Variants in SYCP1 observed in about 807,000 individuals in gnomAD.
SYCP1 encodes synaptonemal complex protein 1.
SYCP1 carries 64 observed loss-of-function variants against 153.1 expected under a neutral mutation model. The ratio of observed to expected loss-of-function variants is 0.42; its 90% CI spans 0.34 to 0.51. The LOEUF is 0.51. Ranked by LOEUF, SYCP1 falls within the 20% of genes least tolerant of loss-of-function variation. The pLI, the probability that SYCP1 is intolerant of heterozygous loss-of-function variation, is 0.06. For missense variants in SYCP1, 997 were observed against 1,049.0 expected (o/e 0.95, Z 0.68); for synonymous variants, 384 against 341.8 (o/e 1.12, Z -1.36).
intron 18 of SYCP1, among the ~76,000 whole-genome samples, chr1:114,912,286 A>C (rs1453858280): frequency 6.6e-6 from 1 of 151,936 alleles, no homozygotes; most frequent in Non-Finnish European, 1.5e-5. Flanking sequence ...TTGTACTTTA[A>C]TGTAAATTTG....
At chr1:114,876,015 GA>G (rs1324338679) in intron 9 of SYCP1, 53 bp from the exon 10 acceptor site, 26 of 1,213,156 alleles carry the variant, frequency 2.1e-5, no homozygotes, top group Non-Finnish European at 2.9e-5. Context: ...TTCATAGTTT[GA>G]AGAAAGCTAT....
chr1:114,937,885 A>AGTCAG (rs1557816156), intron 23 of SYCP1, among the ~76,000 whole-genome samples: 1 of 152,208 alleles, frequency 6.6e-6, no homozygotes, highest in Non-Finnish European at 1.5e-5. Flanking sequence ...GTCATTAAAA[A>AGTCAG]GTCAGGAAAC....
rs1040350100 is a variant in SYCP1 at position 114,929,040 on chromosome 1, A to T, written c.1926+2477A>T. On this transcript the variant is annotated intron_variant, in intron 23 of 31. Coordinates refer to ENST00000369522, the MANE Select transcript of SYCP1 (RefSeq NM_003176.4). ...CATTGTGTCTCAAATGGCAGAAGGG[A>T]CAAGAGAGCTCTCTGGGATCCTTTT... 1.4e-4 allele frequency among the ~76,000 whole-genome samples: 21 copies of T among 152,272 alleles called. 1 individual carries two copies. The highest frequency in any genetic ancestry group is 1.3e-3 in the Admixed American group (20 of 15,274).
At chr1:114,898,669 T>TA (rs1009029084) in intron 16 of SYCP1, among the ~76,000 whole-genome samples, 3 of 152,148 alleles carry the variant, frequency 2.0e-5, no homozygotes, top group South Asian at 4.1e-4. Context: ...TCATTTTTGC[T>TA]AAAAAAACAA....
At chr1:114,974,531 A>G (rs188498996) in intron 27 of SYCP1, among the ~76,000 whole-genome samples, 1 of 151,794 alleles carries the variant, frequency 6.6e-6, no homozygotes, top group East Asian at 1.9e-4. Flanking sequence ...CTTGGCAACC[A>G]CCTTTGCACA....
intron 3 of SYCP1, 71 bp from the exon 4 acceptor site, chr1:114,857,161 A>G (rs1199625163): frequency 3.5e-5 from 37 of 1,064,748 alleles, no homozygotes; most frequent in Non-Finnish European, 4.7e-5. Context: ...AAAAAAAGAG[A>G]AAAAAGAAAA....
chr1:114,943,142 C>T (rs575971351), intron 23 of SYCP1, among the ~76,000 whole-genome samples: 1 of 151,990 alleles, frequency 6.6e-6, no homozygotes, highest in Non-Finnish European at 1.5e-5. Flanking sequence ...AAAGTCATAA[C>T]CTTGTTGCTG....
chr1:114,864,901 T>C (rs1238765736), intron 8 of SYCP1, among the ~76,000 whole-genome samples: 1 of 152,236 alleles, frequency 6.6e-6, no homozygotes, highest in East Asian at 1.9e-4. Flanking sequence ...TTAGGGTACA[T>C]GTGCACAATG....
chr1:114,978,824 G>T (rs189237496), intron 28 of SYCP1, among the ~76,000 whole-genome samples: 4 of 151,628 alleles, frequency 2.6e-5, no homozygotes, highest in Non-Finnish European at 5.9e-5. Context: ...TATATCTGAA[G>T]AAATTATAAT....
At chr1:114,856,945 A>AC (rs1664001473) in intron 3 of SYCP1, among the ~76,000 whole-genome samples, 6 of 141,512 alleles carry the variant, frequency 4.2e-5, no homozygotes, top group Non-Finnish European at 6.2e-5. Context: ...AAAAAAAAAA[A>AC]CCAGCAAACA....
intron 27 of SYCP1, among the ~76,000 whole-genome samples, chr1:114,967,848 C>T (rs1042238506): frequency 2.6e-5 from 4 of 151,226 alleles, no homozygotes; most frequent in African/African-American, 7.3e-5. Context: ...TTTAGTGCTT[C>T]CTTCAGGAGC....
chr1:114,994,772 C>T lies in SYCP1; in HGVS notation c.2778C>T (p.Val926=). 2 of 1,589,422 alleles carry T rather than the reference C, an allele frequency of 1.3e-6. No individual in the cohort carries two copies. Among genetic ancestry groups the T allele is most frequent in the Non-Finnish European group, 1.7e-6 (2 of 1,172,150 alleles). Residue 926 remains valine (V), a synonymous_variant, in exon 31 of 32, where the codon GTC becomes GTT. Coordinates refer to ENST00000369522, the MANE Select transcript of SYCP1 (RefSeq NM_003176.4). ...NNNPPASHLC[V]KTPKKAPSSL... ...ATCCACCAGCTTCTCATCTTTGTGT[C>T]AAAACACCAAAAAAGGTAGCTTTTA...
chr1:114,857,157 A>AAAAAAAAAAAAAAG (rs1664040863), intron 3 of SYCP1, 75 bp from the exon 4 acceptor site: 3 of 881,502 alleles, frequency 3.4e-6, no homozygotes, highest in Non-Finnish European at 4.8e-6. Context: ...AAAAAAAAAA[A>AAAAAAAAAAAAAAG]GAGAAAAAAG....
chr1:114,886,010 A>G (rs928577853), intron 13 of SYCP1, 115 bp from the exon 14 acceptor site: 4 of 635,152 alleles, frequency 6.3e-6, no homozygotes, highest in Non-Finnish European at 1.0e-5. Flanking sequence ...AGGAGGAATA[A>G]TAGGAAAATA....
At chr1:114,943,309 C>T (rs995266642) in intron 23 of SYCP1, among the ~76,000 whole-genome samples, 1 of 151,934 alleles carries the variant, frequency 6.6e-6, no homozygotes, top group Non-Finnish European at 1.5e-5. Context: ...ATTCATAGCA[C>T]TATTGTGTGT....
At chr1:114,964,042 C>T (rs1389432733) in intron 27 of SYCP1, among the ~76,000 whole-genome samples, 2 of 152,176 alleles carry the variant, frequency 1.3e-5, no homozygotes, top group African/African-American at 4.8e-5. Flanking sequence ...TCTGTTGTTT[C>T]CTGACTTTTT....
At chr1:114,877,324 C>T (rs1203022547) in intron 11 of SYCP1, among the ~76,000 whole-genome samples, 3 of 152,128 alleles carry the variant, frequency 2.0e-5, no homozygotes, top group Non-Finnish European at 2.9e-5. Context: ...TATCCTTTGG[C>T]ATTCACAAGA....
intron 2 of SYCP1, among the ~76,000 whole-genome samples, chr1:114,856,241 A>T (rs1232140959): frequency 6.6e-6 from 1 of 152,210 alleles, no homozygotes; most frequent in Non-Finnish European, 1.5e-5. Flanking sequence ...GACAATCTTT[A>T]ATTCTATCAA....
chr1:114,908,495 T>G (rs1667968322), intron 16 of SYCP1, among the ~76,000 whole-genome samples: 1 of 152,182 alleles, frequency 6.6e-6, no homozygotes, highest in Admixed American at 6.5e-5. Context: ...TACATTGATT[T>G]GATCTTTTTA....
Sources: allele counts gnomAD v4.1 joint callset (sites outside exome capture counted in the v4.1 genomes callset), GRCh38; gene constraint gnomAD v4.1.1; transcripts MANE v1.5; gene names NCBI Gene and HGNC (gene_info 2026-07-23, HGNC 2026-07-21).